Variants in CAMKK2 observed in about 807,000 individuals in gnomAD.
The protein encoded by CAMKK2 is calcium/calmodulin dependent protein kinase kinase 2.
CAMKK2 carries 30 observed loss-of-function variants against 67.2 expected under a neutral mutation model. That is an observed-to-expected ratio of 0.45 (90% CI 0.33 to 0.61). The LOEUF (loss-of-function observed/expected upper bound fraction) is 0.61, where lower values mean the gene tolerates loss of function less well. Ranked by LOEUF, CAMKK2 falls within the 20% of genes least tolerant of loss-of-function variation. The pLI, the probability that CAMKK2 is intolerant of heterozygous loss-of-function variation, is 0.02. For synonymous variants in CAMKK2, 322 were observed against 326.2 expected, an observed-to-expected ratio of 0.99 and a Z score of 0.14; for missense variants, 643 against 802.0, an observed-to-expected ratio of 0.80 and a Z score of 2.39.
At chr12:121,242,957 T>A (rs1448959585) in intron 16 of CAMKK2, among the ~76,000 whole-genome samples, 1 of 151,856 alleles carries the variant, frequency 6.6e-6, no homozygotes, top group Non-Finnish European at 1.5e-5. Flanking sequence ...TTAGCCAGGA[T>A]GGTCTCGATC....
At chr12:121,268,082 G>GTATATATATATATATATATATATATATA (rs1465575245) in intron 5 of CAMKK2, among the ~76,000 whole-genome samples, 4 of 47,878 alleles carry the variant, frequency 8.4e-5, no homozygotes, top group African/African-American at 3.3e-4. Context: ...TCCATTGGAT[G>GTATATATATATATATATATATATATATA]CATATATATA....
chr12:121,252,291 G>A (rs752770150), intron 11 of CAMKK2, among the ~76,000 whole-genome samples: 51 of 152,188 alleles, frequency 3.4e-4, no homozygotes, highest in Admixed American at 2.4e-3. Context: ...TTTTTGAGAC[G>A]GAGTCTCGCT....
Position 121,272,701 on chromosome 12 carries a change from T to TAA in CAMKK2, c.471+1353_471+1354dup, listed in dbSNP as rs11292057. On this transcript the variant is annotated intron_variant, in intron 2 of 16. Coordinates refer to ENST00000404169, the MANE Select transcript of CAMKK2 (RefSeq NM_001270485.2). ...AACATGGCATTACCCCATCTCTACT[T>TAA]AAAAAAAAAAAAAAAAAAAAAAATT... Among the ~76,000 whole-genome samples, 74 of 117,462 alleles carry TAA rather than the reference T, an allele frequency of 6.3e-4. 1 individual carries two copies. The highest frequency in any genetic ancestry group is 2.0e-3 in the Admixed American group (22 of 11,144). 77.1% of individuals were successfully genotyped at this position (117,462 alleles called of 152,430 possible). A position where few individuals can be genotyped will look rare whatever the true frequency, so the allele number is the denominator to read the frequency against.
At chr12:121,244,142 A>T in intron 16 of CAMKK2, 2 of 1,610,016 alleles carry the variant, frequency 1.2e-6, no homozygotes, top group Non-Finnish European at 1.7e-6. Flanking sequence ...AAACACATCA[A>T]AGAAAGAGAA....
intron 11 of CAMKK2, among the ~76,000 whole-genome samples, chr12:121,251,826 C>CAA (rs35539013): frequency 0.045 from 3,814 of 85,624 alleles, 96 homozygotes; most frequent in South Asian, 0.11. Context: ...GACTCCATCT[C>CAA]AAAAAAAAAA....
intron 7 of CAMKK2, among the ~76,000 whole-genome samples, chr12:121,256,153 C>T (rs113291840): frequency 3.9e-5 from 6 of 152,284 alleles, no homozygotes; most frequent in African/African-American, 9.6e-5. Flanking sequence ...CCGAGGTGGG[C>T]GAATCACCTG....
rs776162473 is a variant in CAMKK2, at chr12:121,285,427, C to T, written c.-59-10842G>A. ...CTGAGGCACGAGAATCACTTGAACC[C>T]GGGAGGGGGAGGTTGCAGTGAGCCA... On this transcript the variant is annotated intron_variant, in intron 1 of 16. Transcript: ENST00000404169. The surrounding 1 kb of genome is among the most constrained non-coding windows in gnomAD (Gnocchi z 4.1). Among the ~76,000 whole-genome samples, 16 of 152,036 alleles carry T rather than the reference C, an allele frequency of 1.1e-4. No homozygotes were observed. Among genetic ancestry groups the T allele is most frequent in the East Asian group, 3.9e-4 (2 of 5,186 alleles).
intron 1 of CAMKK2, among the ~76,000 whole-genome samples, chr12:121,293,723 T>G (rs1900579682): frequency 6.6e-6 from 1 of 151,468 alleles, no homozygotes; most frequent in African/African-American, 2.4e-5. Flanking sequence ...CCCCTCCTAC[T>G]CCCATCCCAT....
At chr12:121,250,449 C>T (rs541835715) in intron 11 of CAMKK2, among the ~76,000 whole-genome samples, 1 of 152,160 alleles carries the variant, frequency 6.6e-6, no homozygotes, top group Admixed American at 6.5e-5. Context: ...GATCGCGCCA[C>T]GCCCTGCCCT....
chr12:121,274,259 C>G lies in CAMKK2; in HGVS notation c.268G>C (p.Ala90Pro). ...EVPLDTSGSQ[A>P]RPHLSGRKLS... ...TTGCGACCGGAGAGGTGGGGCCGGG[C>G]CTGGGACCCGGAGGTGTCAAGGGGG... Residue 90 changes from alanine (A) to proline (P), a missense_variant, in exon 2 of 17, where the codon GCC (alanine) becomes CCC (proline). Ala to Pro is a conservative substitution (Grantham distance 27). Coordinates refer to ENST00000404169, the MANE Select transcript of CAMKK2 (RefSeq NM_001270485.2). The G allele has an allele frequency of 6.2e-7, 1 of 1,611,402 alleles. No homozygotes were observed. The highest frequency in any genetic ancestry group is 8.5e-7 in the Non-Finnish European group (1 of 1,178,462).
In CAMKK2 at chr12:121,245,978, TCTC is replaced by T. The variant is rs1030143830; in HGVS notation, c.1453-741_1453-739del. Among the ~76,000 whole-genome samples, 7 of 151,918 alleles carry T rather than the reference TCTC, an allele frequency of 4.6e-5. No homozygotes were observed. The highest frequency in any genetic ancestry group is 1.0e-4 in the Non-Finnish European group (7 of 67,984). On this transcript the variant is annotated intron_variant, in intron 14 of 16. Transcript: ENST00000404169. This position sits in a 1 kb window ranked among gnomAD's most constrained non-coding sequence, Gnocchi z 5.8. The stretch of plus-strand genomic sequence containing the variant: ...CAACACAAACGGACCCTGAAAACCT[TCTC>T]CTACGTCAAAGTAGCCAGGCCCGAA...
intron 16 of CAMKK2, among the ~76,000 whole-genome samples, chr12:121,241,443 G>C (rs570502554): frequency 6.6e-6 from 1 of 152,210 alleles, no homozygotes; most frequent in Non-Finnish European, 1.5e-5. Flanking sequence ...GAGCACCTCA[G>C]ACAGAAGAGG....
At chr12:121,295,177 A>G (rs1900898372) in intron 1 of CAMKK2, among the ~76,000 whole-genome samples, 1 of 152,214 alleles carries the variant, frequency 6.6e-6, no homozygotes, top group Non-Finnish European at 1.5e-5. Context: ...AAATAAATAA[A>G]TAAGTATTCT....
chr12:121,293,051 G>A (rs571022921), intron 1 of CAMKK2, among the ~76,000 whole-genome samples: 23 of 152,132 alleles, frequency 1.5e-4, no homozygotes, highest in African/African-American at 5.1e-4. Flanking sequence ...CGAGGCAGGC[G>A]GATCATCTGA....
chr12:121,276,906 G>T (rs1455920185), intron 1 of CAMKK2, among the ~76,000 whole-genome samples: 2 of 117,554 alleles, frequency 1.7e-5, no homozygotes, highest in South Asian at 3.5e-4. Context: ...GCGGGGTGGG[G>T]GGGGGGTCTC....
At chr12:121,260,498 A>T in intron 6 of CAMKK2, 143 bp from the exon 7 acceptor site, 1 of 716,030 alleles carries the variant, frequency 1.4e-6, no homozygotes, top group Non-Finnish European at 2.5e-6. Context: ...TTCCCAGTTA[A>T]GATGGAAGAT....
intron 1 of CAMKK2, among the ~76,000 whole-genome samples, chr12:121,280,959 A>G (rs1376000498): frequency 6.6e-6 from 1 of 152,172 alleles, no homozygotes; most frequent in South Asian, 2.1e-4. Context: ...TACCCTGTTA[A>G]GTACTTGATG....
At chr12:121,267,022 C>CTT (rs58762246) in intron 5 of CAMKK2, among the ~76,000 whole-genome samples, 6 of 30,738 alleles carry the variant, frequency 2.0e-4, no homozygotes, top group African/African-American at 4.0e-4. Context: ...GTGCTCTGGC[C>CTT]TTTTTTTTTT....
Position 121,250,044 on chromosome 12 carries a change from G to A in CAMKK2, c.1162-10C>T, listed in dbSNP as rs1890352840. 6.2e-7 allele frequency: 1 copy of A among 1,609,108 alleles called. No individual in the cohort carries two copies. Among genetic ancestry groups the A allele is most frequent in the Non-Finnish European group, 8.5e-7 (1 of 1,177,264 alleles). On this transcript the variant is annotated splice_polypyrimidine_tract_variant and intron_variant, in intron 11 of 16. Coordinates refer to ENST00000404169, the MANE Select transcript of CAMKK2 (RefSeq NM_001270485.2). ...CGTCCATGAATGGGCACTGCAAAGAGGCCAGGGACAGAGTGGCAGTCAATG... is the reference window on the plus strand; with the variant it reads ...CGTCCATGAATGGGCACTGCAAAGAAGCCAGGGACAGAGTGGCAGTCAATG...
Sources: gnomAD v4.1 joint callset for allele counts (sites outside exome capture counted in the v4.1 genomes callset) on GRCh38, gnomAD v4.1.1 for gene constraint, Gnocchi (gnomAD v3.1) non-coding constraint, MANE v1.5 for transcripts, NCBI Gene and HGNC (gene_info 2026-07-23, HGNC 2026-07-21) for gene names.